Variants in DIPK1C observed in about 807,000 individuals in gnomAD.
The protein encoded by DIPK1C is divergent protein kinase domain 1C.
DIPK1C carries 33 observed loss-of-function variants against 28.0 expected under a neutral mutation model. The observed-to-expected ratio is 1.18, with a 90% CI of 0.89 to 1.58. The LOEUF (loss-of-function observed/expected upper bound fraction) is 1.58. DIPK1C is among the 40% of genes most tolerant of loss of function. DIPK1C has a pLI of 0.00. For synonymous variants in DIPK1C, 255 were observed against 248.8 expected (o/e 1.02, Z -0.23); for missense variants, 569 against 568.5 (o/e 1.00, Z -0.01).
At chr18:74,453,965 G>A (rs534819730) in intron 1 of DIPK1C, among the ~76,000 whole-genome samples, 2 of 152,318 alleles carry the variant, frequency 1.3e-5, no homozygotes, top group South Asian at 4.1e-4. Flanking sequence ...TCAACAGGCA[G>A]CAGCCCACAT....
chr18:74,453,465 A>G (rs1443039740), intron 1 of DIPK1C, among the ~76,000 whole-genome samples: 1 of 152,216 alleles, frequency 6.6e-6, no homozygotes, highest in Non-Finnish European at 1.5e-5. Flanking sequence ...CTCTCTGGAT[A>G]TGAGCCCTGG....
chr18:74,446,146 C>A (rs1986254876), intron 2 of DIPK1C, among the ~76,000 whole-genome samples: 1 of 152,204 alleles, frequency 6.6e-6, no homozygotes, highest in Non-Finnish European at 1.5e-5. Context: ...ACAAAAAGCA[C>A]TGGGAAAAGT....
In DIPK1C at chr18:74,446,836, A is replaced by G. The variant is rs758668760; in HGVS notation, c.646T>C (p.Cys216Arg). ...AACTCCACCGCGTAGAAGTGGCCGC[A>G]GGAACCCAGCACGGGCAGCACGTGT... ...SPHVLPVLGS[C>R]GHFYAVEFLA... The change falls in exon 2 of 4, where the codon TGC becomes CGC. Residue 216 changes from cysteine (C) to arginine (R), a missense_variant. Cys to Arg is a radical substitution (Grantham distance 180). Coordinates refer to ENST00000343998, the MANE Select transcript of DIPK1C (RefSeq NM_001044369.3). 5.7e-5 allele frequency: 86 copies of G among 1,502,186 alleles called. No individual in the cohort carries two copies. Among genetic ancestry groups the G allele is most frequent in the Non-Finnish European group, 7.6e-5 (85 of 1,120,570 alleles). The allele number at this position is 1,502,186 out of a possible 1,614,324, so 93.1% of individuals were successfully genotyped here.
At chr18:74,442,205 CG>C in intron 2 of DIPK1C, 89 bp from the exon 3 acceptor site, 2 of 1,472,008 alleles carry the variant, frequency 1.4e-6, no homozygotes, top group South Asian at 2.4e-5. Context: ...TCACCTCGTG[CG>C]GGTGCCACTG....
At position 74,455,113 on chromosome 18, in the gene DIPK1C, G is replaced by T. The variant is rs149167240; in HGVS notation, c.198+1949C>A. On this transcript the variant is annotated intron_variant, in intron 1 of 3. Transcript: ENST00000343998. Reference sequence around the variant, plus strand: ...TCCAGCTTTATGTCTGACTAGAAATGATTCCATATGGCTGCCATTGAAGAT... The same window carrying T: ...TCCAGCTTTATGTCTGACTAGAAATTATTCCATATGGCTGCCATTGAAGAT... Among the ~76,000 whole-genome samples the T allele has an allele frequency of 1.2e-3, 183 of 152,308 alleles. 2 individuals carry two copies. In the South Asian group the frequency reaches 0.032, roughly 27 times the overall value.
chr18:74,443,118 T>C (rs1161553117), intron 2 of DIPK1C, among the ~76,000 whole-genome samples: 1 of 152,232 alleles, frequency 6.6e-6, no homozygotes, highest in Non-Finnish European at 1.5e-5. Flanking sequence ...TGAGTTCCAC[T>C]GTCATTGTGA....
At chr18:74,452,751 T>C (rs1986426722) in intron 1 of DIPK1C, among the ~76,000 whole-genome samples, 1 of 152,170 alleles carries the variant, frequency 6.6e-6, no homozygotes, top group Non-Finnish European at 1.5e-5. Context: ...ATGTTAAAGA[T>C]AATAGTAGAA....
rs749121805 is a variant in DIPK1C, at chr18:74,446,749, G to A, written c.733C>T (p.Pro245Ser). The A allele has an allele frequency of 6.5e-7, 1 of 1,529,984 alleles. No homozygotes were observed. Among genetic ancestry groups the A allele is most frequent in the South Asian group, 1.2e-5 (1 of 81,290 alleles). The allele number at this position is 1,529,984 out of a possible 1,614,324, so 94.8% of individuals were successfully genotyped here. A position where few individuals can be genotyped will look rare whatever the true frequency, so the allele number is the denominator to read the frequency against. ...ATGGCCTTGGCCTGGCCACCCCCAGGGGCACCTGGGGCCCGGTCCAGGGGG... is the reference window on the plus strand; with the variant it reads ...ATGGCCTTGGCCTGGCCACCCCCAGAGGCACCTGGGGCCCGGTCCAGGGGG... Reference protein sequence around the residue: ...LFPLDRAPGAPGGGQAKAISD... With the variant: ...LFPLDRAPGASGGGQAKAISD... Residue 245 changes from proline (P) to serine (S), a missense_variant, in exon 2 of 4, where the codon CCT (proline) becomes TCT (serine). Physicochemically the swap from Pro to Ser is moderately conservative, Grantham distance 74. Transcript: ENST00000343998.
chr18:74,445,926 G>A (rs896154387), intron 2 of DIPK1C, among the ~76,000 whole-genome samples: 3 of 152,228 alleles, frequency 2.0e-5, no homozygotes, highest in African/African-American at 7.2e-5. Context: ...TGAAGGGAGA[G>A]GGGTTTGTGT....
chr18:74,439,868 AATAG>A (rs1229140939), intron 3 of DIPK1C, among the ~76,000 whole-genome samples: 1 of 152,126 alleles, frequency 6.6e-6, no homozygotes, highest in African/African-American at 2.4e-5. Context: ...GAAAATATAA[AATAG>A]ATAAAGAAAA....
chr18:74,459,558 T>C (rs978299454), upstream of DIPK1C, among the ~76,000 whole-genome samples: 5 of 152,226 alleles, frequency 3.3e-5, no homozygotes, highest in African/African-American at 1.2e-4. Context: ...TTTGTAAAGC[T>C]TATGAACTGT....
chr18:74,455,142 T>C (rs1036577179), intron 1 of DIPK1C, among the ~76,000 whole-genome samples: 1 of 152,192 alleles, frequency 6.6e-6, no homozygotes, highest in Admixed American at 6.5e-5. Flanking sequence ...TGAAGATATA[T>C]TGGTAAAGCC....
At chr18:74,438,588 A>T (rs1283535811) in intron 3 of DIPK1C, among the ~76,000 whole-genome samples, 1 of 152,224 alleles carries the variant, frequency 6.6e-6, no homozygotes, top group East Asian at 1.9e-4. Flanking sequence ...TTTAATTTGC[A>T]TCTTTCTTAG....
At chr18:74,456,900 G>A (rs892044329) in intron 1 of DIPK1C, among the ~76,000 whole-genome samples, 162 bp downstream of exon 1, 1 of 152,140 alleles carries the variant, frequency 6.6e-6, no homozygotes, top group East Asian at 1.9e-4. Flanking sequence ...CCATTCGGGG[G>A]ACCGGGGCGT....
chr18:74,462,304 T>C (rs1986629770), upstream of DIPK1C, among the ~76,000 whole-genome samples: 1 of 152,204 alleles, frequency 6.6e-6, no homozygotes, highest in South Asian at 2.1e-4. Flanking sequence ...AGCTGGGGTT[T>C]TTTGGACACT....
At chr18:74,446,305 G>C (rs760899747) in intron 2 of DIPK1C, among the ~76,000 whole-genome samples, 1 of 152,180 alleles carries the variant, frequency 6.6e-6, no homozygotes, top group Non-Finnish European at 1.5e-5. Context: ...GCTGTTACGT[G>C]AGCTCAAAGC....
Position 74,446,779 on chromosome 18 carries a change from G to A in DIPK1C, c.703C>T (p.Leu235Phe). The A allele has an allele frequency of 6.6e-7, 1 of 1,504,186 alleles. No individual in the cohort carries two copies. Among genetic ancestry groups the A allele is most frequent in the Non-Finnish European group, 8.9e-7 (1 of 1,123,452 alleles). 93.2% of individuals were successfully genotyped at this position (1,504,186 alleles called of 1,614,324 possible). A position where few individuals can be genotyped will look rare whatever the true frequency, so the allele number is the denominator to read the frequency against. ...CCTGGGGCCCGGTCCAGGGGGAAGA[G>A]TGCCCTGTGGTGGGGGCTGCCCGCG... ...LAAGSPHHRA[L>F]FPLDRAPGAP... Residue 235 changes from leucine to phenylalanine, a missense_variant, in exon 2 of 4, where the codon CTC (leucine) becomes TTC (phenylalanine). By Grantham distance (22) the Leu-to-Phe change is conservative. Transcript: ENST00000343998.
Position 74,447,979 on chromosome 18 carries a change from A to G in DIPK1C, c.199-696T>C, listed in dbSNP as rs1986311510. Among the ~76,000 whole-genome samples, 1 of 152,088 alleles carries G rather than the reference A, an allele frequency of 6.6e-6. No homozygotes were observed. The highest frequency in any genetic ancestry group is 1.5e-5 in the Non-Finnish European group (1 of 68,016). On this transcript the variant is annotated intron_variant, in intron 1 of 3. Coordinates refer to ENST00000343998, the MANE Select transcript of DIPK1C (RefSeq NM_001044369.3). This position sits in a 1 kb window ranked among gnomAD's most constrained non-coding sequence, Gnocchi z 4.1. ...AAAGAGTAGGGAGTGTTTGCATCTG[A>G]GCGGCGGTGAGCAAGGCTGTCCAGG...
chr18:74,454,198 C>T (rs1188366950), intron 1 of DIPK1C, among the ~76,000 whole-genome samples: 1 of 152,140 alleles, frequency 6.6e-6, no homozygotes, highest in African/African-American at 2.4e-5. Flanking sequence ...CAGGAAAATC[C>T]AAGCTGGAAG....
Sources: allele counts gnomAD v4.1 joint callset (sites outside exome capture counted in the v4.1 genomes callset), GRCh38; gene constraint gnomAD v4.1.1; non-coding constraint Gnocchi (gnomAD v3.1); transcripts MANE v1.5; gene names NCBI Gene and HGNC (gene_info 2026-07-23, HGNC 2026-07-21).